Variants in KMT2C observed in about 807,000 individuals in gnomAD.
KMT2C encodes lysine methyltransferase 2C, also known as histone-lysine N-methyltransferase 2C.
In KMT2C, 88 loss-of-function variants were observed where a neutral mutation model predicts 507.9. That is an observed-to-expected ratio of 0.17 (90% CI 0.15 to 0.21). KMT2C has a LOEUF of 0.21. KMT2C is among the 10% of genes least tolerant of loss of function. The probability of loss-of-function intolerance (pLI) is 1.00; values close to 1 mark genes in which losing one functional copy is unlikely to be tolerated. For synonymous variants in KMT2C, 2,049 were observed against 2,080.8 expected (o/e 0.98, Z 0.42); for missense variants, 4,954 against 5,957.8 (o/e 0.83, Z 5.55).
chr7:152,241,044 T>C (rs1180989442), intron 14 of KMT2C, among the ~76,000 whole-genome samples: 1 of 152,242 alleles, frequency 6.6e-6, no homozygotes, highest in Non-Finnish European at 1.5e-5. Context: ...TTTCTCCAAC[T>C]AACCTTGTGG....
In KMT2C at chr7:152,222,141, A is replaced by G. The variant is rs2094792078; in HGVS notation, c.3434-75T>C. ...TGTATTTAAATACTTATATATGATT[A>G]TAATTTCTGTTTCTATACTCATTTT... On this transcript the variant is annotated intron_variant, in intron 21 of 58. Coordinates refer to ENST00000262189, the MANE Select transcript of KMT2C (RefSeq NM_170606.3). 8.3e-6 allele frequency: 8 copies of G among 967,908 alleles called. No homozygotes were observed. The South Asian group carries it at 9.3e-5, about 11-fold the overall frequency. The allele number at this position is 967,908 out of a possible 1,614,324, so 60.0% of individuals were successfully genotyped here. A position where few individuals can be genotyped will look rare whatever the true frequency, so the allele number is the denominator to read the frequency against.
intron 3 of KMT2C, among the ~76,000 whole-genome samples, chr7:152,324,294 G>T (rs1029985979): frequency 6.8e-6 from 1 of 147,136 alleles, no homozygotes; most frequent in South Asian, 2.4e-4. Context: ...GGCAAAAACC[G>T]CAATCACTTT....
At chr7:152,207,614 A>G (rs1217459603) in intron 23 of KMT2C, among the ~76,000 whole-genome samples, 186 bp from the exon 24 acceptor site, 1 of 152,172 alleles carries the variant, frequency 6.6e-6, no homozygotes, top group Non-Finnish European at 1.5e-5. Context: ...TGCTTAGTGC[A>G]GTGTTCCCAT....
intron 6 of KMT2C, among the ~76,000 whole-genome samples, chr7:152,299,008 A>T (rs2096540638): frequency 6.6e-6 from 1 of 152,332 alleles, no homozygotes; most frequent in African/African-American, 2.4e-5. Flanking sequence ...TAATAAAAAG[A>T]GGCAAACTGG....
chr7:152,307,052 G>A (rs894568497), intron 6 of KMT2C, among the ~76,000 whole-genome samples: 1 of 152,056 alleles, frequency 6.6e-6, no homozygotes, highest in Non-Finnish European at 1.5e-5. Context: ...CCGGATATTC[G>A]GGAGGCTCGG....
Position 152,156,196 on chromosome 7 carries a change from T to C in KMT2C, c.11812+9A>G. 1 of 1,613,844 alleles carries C rather than the reference T, an allele frequency of 6.2e-7. No individual in the cohort carries two copies. Among genetic ancestry groups the C allele is most frequent in the Non-Finnish European group, 8.5e-7 (1 of 1,179,770 alleles). The stretch of plus-strand genomic sequence containing the variant: ...TCCGAGGTGTGAAATTTGGAGGCTA[T>C]AATCATACCTTCATGGCTCACTAAC... On this transcript the variant is annotated intron_variant, in intron 45 of 58. Coordinates refer to ENST00000262189, the MANE Select transcript of KMT2C (RefSeq NM_170606.3).
intron 9 of KMT2C, among the ~76,000 whole-genome samples, chr7:152,253,610 C>T (rs537285188): frequency 7.3e-5 from 11 of 150,270 alleles, no homozygotes; most frequent in African/African-American, 2.7e-4. Context: ...AGGAGAATTG[C>T]TTGAGCCTAG....
Position 152,177,004 on chromosome 7 carries a change from T to G in KMT2C, c.8449A>C (p.Thr2817Pro). ...SDKHSPQKKSTVTNEVKTEVL... is the reference protein window; with the variant it reads ...SDKHSPQKKSPVTNEVKTEVL... ...TCCGTTTTTACCTCATTGGTAACAG[T>G]GGATTTTTTCTGTGGTGAATGTTTA... The change falls in exon 38 of 59, where the codon ACT becomes CCT. Residue 2817 changes from threonine (T) to proline (P), a missense_variant. Transcript: ENST00000262189. The G allele has an allele frequency of 6.2e-7, 1 of 1,614,132 alleles. No individual in the cohort carries two copies. Among genetic ancestry groups the G allele is most frequent in the Non-Finnish European group, 8.5e-7 (1 of 1,179,990 alleles).
At chr7:152,284,897 A>G (rs934476764) in intron 6 of KMT2C, among the ~76,000 whole-genome samples, 1 of 152,268 alleles carries the variant, frequency 6.6e-6, no homozygotes, top group Non-Finnish European at 1.5e-5. Context: ...TAAAATTTAG[A>G]AACAGTGGCA....
In KMT2C at chr7:152,312,852, T is replaced by C. The variant is rs549225865; in HGVS notation, c.591-906A>G. Among the ~76,000 whole-genome samples, 6 of 152,318 alleles carry C rather than the reference T, an allele frequency of 3.9e-5. No individual in the cohort carries two copies. The South Asian group carries it at 1.2e-3, about 32-fold the overall frequency. On this transcript the variant is annotated intron_variant, in intron 4 of 58. Transcript: ENST00000262189. ...ATAGTATTTAACCTGATCATAATTC[T>C]GGATTAAATCACTATTGAATATAGA...
chr7:152,224,110 T>A lies in KMT2C; in HGVS notation c.3228A>T (p.Thr1076=). 1 of 1,609,042 alleles carries A rather than the reference T, an allele frequency of 6.2e-7. No individual in the cohort carries two copies. Among genetic ancestry groups the A allele is most frequent in the East Asian group, 2.2e-5 (1 of 44,870 alleles). The change falls in exon 20 of 59, where the codon ACA becomes ACT. Residue 1076 remains threonine (T), a synonymous_variant. Transcript: ENST00000262189. ...ATAAGCTTGCACAAGGAGCGCACTG[T>A]GTGTAATTGTTCTGCCATTCACATC... ...GLRCEWQNNY[T]QCAPCASLSS... is the part of the protein sequence containing the mutation.
chr7:152,135,419 TAAAC>T lies in KMT2C; in HGVS notation c.*1409_*1412del, dbSNP rs1401344719. 9.2e-6 allele frequency: 2 copies of T among 217,702 alleles called. No homozygotes were observed. Among genetic ancestry groups the T allele is most frequent in the African/African-American group, 2.2e-5 (1 of 44,454 alleles). 13.5% of individuals were successfully genotyped at this position (217,702 alleles called of 1,614,324 possible). A position where few individuals can be genotyped will look rare whatever the true frequency, so the allele number is the denominator to read the frequency against. On this transcript the variant is annotated 3_prime_UTR_variant, in exon 59 of 59. Transcript: ENST00000262189. ...CAGTGTTTTTTTTATTAAAGAAATGTAAACAAACAGTTCATACAAACACATTTTA... is the reference window on the plus strand; with the variant it reads ...CAGTGTTTTTTTTATTAAAGAAATGTAAACAGTTCATACAAACACATTTTA...
At chr7:152,310,299 G>C (rs1343333240) in intron 5 of KMT2C, among the ~76,000 whole-genome samples, 1 of 152,096 alleles carries the variant, frequency 6.6e-6, no homozygotes, top group African/African-American at 2.4e-5. Flanking sequence ...AATCTGTCTG[G>C]GTGCAGTGGC....
chr7:152,235,207 G>GTATGTGTATATATATATA (rs950086494), intron 16 of KMT2C, among the ~76,000 whole-genome samples: 2 of 142,424 alleles, frequency 1.4e-5, no homozygotes, highest in African/African-American at 5.5e-5. Flanking sequence ...TTTCAAGGGT[G>GTATGTGTATATATATATA]TATATATATA....
intron 2 of KMT2C, among the ~76,000 whole-genome samples, chr7:152,343,325 C>G (rs1449317059): frequency 6.6e-6 from 1 of 151,106 alleles, no homozygotes; most frequent in African/African-American, 2.4e-5. Context: ...TTAAAACTAA[C>G]AGAAATGATG....
At chr7:152,333,314 T>A (rs956294014) in intron 2 of KMT2C, among the ~76,000 whole-genome samples, 3 of 152,110 alleles carry the variant, frequency 2.0e-5, no homozygotes, top group African/African-American at 7.2e-5. Flanking sequence ...TTTGTAGAGA[T>A]GGGGGTCTCA....
At chr7:152,248,653 T>C (rs1563575863) in intron 13 of KMT2C, 33 bp from the exon 14 acceptor site, 2 of 1,401,790 alleles carry the variant, frequency 1.4e-6, no homozygotes. Flanking sequence ...TATGGCAATG[T>C]ACAAACAAAT....
chr7:152,335,733 C>T (rs997611937), intron 2 of KMT2C, among the ~76,000 whole-genome samples: 3 of 152,022 alleles, frequency 2.0e-5, no homozygotes, highest in Admixed American at 6.6e-5. Context: ...TTATTGCTTA[C>T]AGCTAAGGGA....
intron 1 of KMT2C, among the ~76,000 whole-genome samples, chr7:152,358,995 T>G (rs1163387259): frequency 6.6e-6 from 1 of 152,136 alleles, no homozygotes; most frequent in Non-Finnish European, 1.5e-5. Flanking sequence ...CTGTCTACAG[T>G]AGTGGCTTTT....
Sources: allele counts gnomAD v4.1 joint callset (sites outside exome capture counted in the v4.1 genomes callset), GRCh38; gene constraint gnomAD v4.1.1; transcripts MANE v1.5; gene names NCBI Gene and HGNC (gene_info 2026-07-23, HGNC 2026-07-21).